RELT: variants seen among roughly 807,000 people sequenced by gnomAD.
RELT encodes RELT TNF receptor.
A neutral mutation model predicts 51.1 loss-of-function variants in RELT; 37 were observed. That is an observed-to-expected ratio of 0.72 (90% CI 0.56 to 0.95). The LOEUF (loss-of-function observed/expected upper bound fraction) is 0.95, where lower values mean the gene tolerates loss of function less well. RELT is among the 40% of genes least tolerant of loss of function. The pLI, the probability that RELT is intolerant of heterozygous loss-of-function variation, is 0.00. For synonymous variants in RELT, 241 were observed against 235.7 expected, an observed-to-expected ratio of 1.02 and a Z score of -0.21; for missense variants, 535 against 572.6, an observed-to-expected ratio of 0.93 and a Z score of 0.67.
rs1866323290 is a variant in RELT at position 73,396,644 on chromosome 11, C to CA, written c.*1154dup. ...ATAATAAAAGGTGGGAAAGTGCTGT[C>CA]ACGAGGAGCTCCTTTTCTCTGTGCC... On this transcript the variant is annotated 3_prime_UTR_variant, in exon 11 of 11. Transcript: ENST00000064780. 1 of 152,354 alleles carries CA rather than the reference C, an allele frequency of 6.6e-6. No homozygotes were observed. Among genetic ancestry groups the CA allele is most frequent in the Non-Finnish European group, 1.5e-5 (1 of 68,116 alleles). 9.4% of individuals were successfully genotyped at this position (152,354 alleles called of 1,614,324 possible). A position where few individuals can be genotyped will look rare whatever the true frequency, so the allele number is the denominator to read the frequency against.
chr11:73,393,653 A>G (rs1294263977), intron 6 of RELT, 184 bp from the exon 7 acceptor site: 1 of 1,561,004 alleles, frequency 6.4e-7, no homozygotes, highest in African/African-American at 1.4e-5. Context: ...TGAATCATGA[A>G]GGTGATATGG....
At chr11:73,385,363 A>G (rs1036362416) in intron 1 of RELT, among the ~76,000 whole-genome samples, 26 of 152,160 alleles carry the variant, frequency 1.7e-4, no homozygotes, top group African/African-American at 5.8e-4. Flanking sequence ...GGGCTCCACC[A>G]TCTGTGGCCT....
chr11:73,390,423 C>T (rs1185103069), intron 2 of RELT, 128 bp from the exon 3 acceptor site: 1 of 809,170 alleles, frequency 1.2e-6, no homozygotes, highest in African/African-American at 1.7e-5. Context: ...GAGTGTGTCC[C>T]TGAAGCCCGG....
Position 73,390,534 on chromosome 11 carries a change from G to A in RELT, c.46-17G>A, listed in dbSNP as rs1866194058. On this transcript the variant is annotated splice_polypyrimidine_tract_variant and intron_variant, in intron 2 of 10. Coordinates refer to ENST00000064780, the MANE Select transcript of RELT (RefSeq NM_152222.2). ...CCCAGCACTTTCTGCCTCTTTCAAT[G>A]CCTACTGTTCTTCTAGCTGCTGCCC... 1 of 1,612,702 alleles carries A rather than the reference G, an allele frequency of 6.2e-7. No homozygotes were observed. Among genetic ancestry groups the A allele is most frequent in the Non-Finnish European group, 8.5e-7 (1 of 1,178,848 alleles).
Position 73,389,127 on chromosome 11 carries a change from G to C in RELT, c.-10G>C. On this transcript the variant is annotated 5_prime_UTR_variant, in exon 2 of 11. Transcript: ENST00000064780. ...TCTGCCCTAGGCCGGCGACCACCAG[G>C]GGCCTGAGGATGAAGCCAAGTCTGC... is the stretch of plus-strand genomic sequence containing the variant. 6.5e-7 allele frequency: 1 copy of C among 1,547,642 alleles called. No homozygotes were observed. Among genetic ancestry groups the C allele is most frequent in the African/African-American group, 1.4e-5 (1 of 73,096 alleles).
chr11:73,392,298 G>A lies in RELT; in HGVS notation c.455G>A (p.Arg152Gln), dbSNP rs138854191. 106 of 1,613,348 alleles carry A rather than the reference G, an allele frequency of 6.6e-5. No individual in the cohort carries two copies. The African/African-American group carries it at 1.0e-3, about 15-fold the overall frequency. The change falls in exon 6 of 11, where the codon CGG becomes CAG. Residue 152 changes from arginine to glutamine, a missense_variant. By Grantham distance (43) the Arg-to-Gln change is conservative. Transcript: ENST00000064780. ...GETRQPGNGT[R>Q]AGGPEETAAQ... is the part of the protein sequence containing the mutation. ...ACACGGCAGCCTGGGAACGGCACCC[G>A]GGCAGGTGGCCCAGAGGAGACAGCC...
intron 1 of RELT, among the ~76,000 whole-genome samples, chr11:73,380,093 G>A (rs904418990): frequency 2.6e-5 from 4 of 152,214 alleles, no homozygotes; most frequent in Non-Finnish European, 5.9e-5. Flanking sequence ...CTCCCTCACT[G>A]CTGGGGAATG....
At chr11:73,390,705 G>A in intron 3 of RELT, 50 bp from the exon 4 acceptor site, 1 of 1,609,408 alleles carries the variant, frequency 6.2e-7, no homozygotes. Flanking sequence ...GGCCCCCAAG[G>A]GTCCTCAGGC....
chr11:73,397,393 C>T lies in RELT; in HGVS notation c.*1902C>T, dbSNP rs1866336355. The T allele has an allele frequency of 1.3e-5, 2 of 152,272 alleles. No individual in the cohort carries two copies. The highest frequency in any genetic ancestry group is 4.1e-4 in the South Asian group (2 of 4,832). 9.4% of individuals were successfully genotyped at this position (152,272 alleles called of 1,614,324 possible). A position where few individuals can be genotyped will look rare whatever the true frequency, so the allele number is the denominator to read the frequency against. ...AAAATTCCTAGGGCAAGCTTCCAAC[C>T]CGGCCCAAGGGCCGCATGTGGCCCA... On this transcript the variant is annotated 3_prime_UTR_variant, in exon 11 of 11. Transcript: ENST00000064780.
In RELT at chr11:73,393,801, C is replaced by CT. The variant is rs200891025; in HGVS notation, c.626-36_626-35insT. The CT allele has an allele frequency of 6.7e-5, 107 of 1,606,808 alleles. 1 individual carries two copies. In the African/African-American group the frequency reaches 1.2e-3, roughly 18 times the overall value. On this transcript the variant is annotated intron_variant, in intron 6 of 10. Coordinates refer to ENST00000064780, the MANE Select transcript of RELT (RefSeq NM_152222.2). ...GTTTAGCTCAGGAGTGCGGCTTCCCCCTCTTCCCCAGGATCAGGGCCCTTC... is the reference window on the plus strand; with the variant it reads ...GTTTAGCTCAGGAGTGCGGCTTCCCCTCTCTTCCCCAGGATCAGGGCCCTTC...
At chr11:73,377,138 TG>T (rs1865980574) in intron 1 of RELT, among the ~76,000 whole-genome samples, 1 of 152,104 alleles carries the variant, frequency 6.6e-6, no homozygotes, top group East Asian at 1.9e-4. Flanking sequence ...GTGCGTGGCT[TG>T]GGGCGTGACC....
chr11:73,378,433 A>G (rs185909779), intron 1 of RELT, among the ~76,000 whole-genome samples: 1 of 152,276 alleles, frequency 6.6e-6, no homozygotes, highest in South Asian at 2.1e-4. Context: ...AGATGTAGTG[A>G]CTGTGTTTCA....
intron 1 of RELT, among the ~76,000 whole-genome samples, chr11:73,385,713 T>C (rs1002029085): frequency 6.6e-6 from 1 of 152,134 alleles, no homozygotes; most frequent in Admixed American, 6.5e-5. Flanking sequence ...TGACCTACTT[T>C]AGCTTCATTA....
rs1051115356 is a variant in RELT, at chr11:73,390,578, A to C, written c.73A>C (p.Thr25Pro). 6.2e-7 allele frequency: 1 copy of C among 1,613,870 alleles called. No individual in the cohort carries two copies. Among genetic ancestry groups the C allele is most frequent in the Non-Finnish European group, 8.5e-7 (1 of 1,179,968 alleles). Residue 25 changes from threonine (T) to proline (P), a missense_variant, in exon 3 of 11, where the codon ACA becomes CCA. Coordinates refer to ENST00000064780, the MANE Select transcript of RELT (RefSeq NM_152222.2). ...MLLPWPLATL[T>P]STTLWQCPPG... ...GCTGCCCTGGCCTCTCGCCACCCTG[A>C]CATCAACAACCCTTTGGCAGTGCCC...
chr11:73,390,452 C>T, intron 2 of RELT, 99 bp from the exon 3 acceptor site: 1 of 1,099,524 alleles, frequency 9.1e-7, no homozygotes, highest in Non-Finnish European at 1.4e-6. Context: ...GTCAGTGGTC[C>T]CTACCACTGG....
chr11:73,392,313 A>G lies in RELT; in HGVS notation c.470A>G (p.Glu157Gly). ...AACGGCACCCGGGCAGGTGGCCCAG[A>G]GGAGACAGCCGCCCAGTACGCGGTC... ...PGNGTRAGGP[E>G]ETAAQYAVIA... Residue 157 changes from glutamate (E) to glycine (G), a missense_variant, in exon 6 of 11, where the codon GAG becomes GGG. Transcript: ENST00000064780. The G allele has an allele frequency of 6.2e-7, 1 of 1,613,564 alleles. No individual in the cohort carries two copies. The highest frequency in any genetic ancestry group is 2.2e-5 in the East Asian group (1 of 44,872).
chr11:73,377,849 G>C (rs1412358712), intron 1 of RELT, among the ~76,000 whole-genome samples: 3 of 152,146 alleles, frequency 2.0e-5, no homozygotes, highest in Non-Finnish European at 4.4e-5. Context: ...GGGGGGTGGG[G>C]GCAGGCTTCT....
rs376032801 is a variant in RELT, at chr11:73,392,427, C to T, written c.584C>T (p.Ala195Val). 5.6e-6 allele frequency: 9 copies of T among 1,613,464 alleles called. No homozygotes were observed. The highest frequency in any genetic ancestry group is 5.3e-5 in the African/African-American group (4 of 74,920). Residue 195 changes from alanine to valine, a missense_variant, in exon 6 of 11, where the codon GCG (alanine) becomes GTG (valine). Physicochemically the swap from Ala to Val is moderately conservative, Grantham distance 64. Coordinates refer to ENST00000064780, the MANE Select transcript of RELT (RefSeq NM_152222.2). ...LLKRKGYHCTAHKEVGPGPGG... is the reference protein window; with the variant it reads ...LLKRKGYHCTVHKEVGPGPGG... ...AAGCGGAAGGGCTACCACTGCACGG[C>T]GCACAAGGAGGTCGGGCCCGGCCCT...
At chr11:73,377,661 G>C (rs971169124) in intron 1 of RELT, among the ~76,000 whole-genome samples, 1 of 151,446 alleles carries the variant, frequency 6.6e-6, no homozygotes, top group Non-Finnish European at 1.5e-5. Context: ...CAGCGGACCC[G>C]GACACAATCT....
Sources: gnomAD v4.1 joint callset for allele counts (sites outside exome capture counted in the v4.1 genomes callset) on GRCh38, gnomAD v4.1.1 for gene constraint, MANE v1.5 for transcripts, NCBI Gene and HGNC (gene_info 2026-07-23, HGNC 2026-07-21) for gene names.